ARHGEF9: variants seen among roughly 807,000 people sequenced by gnomAD.
ARHGEF9 encodes the protein Cdc42 guanine nucleotide exchange factor 9.
In ARHGEF9, 2 loss-of-function variants were observed where a neutral mutation model predicts 41.3. That is an observed-to-expected ratio of 0.05 (90% confidence interval 0.02 to 0.15). The LOEUF (loss-of-function observed/expected upper bound fraction) is 0.15, where lower values mean the gene tolerates loss of function less well. Among genes scored for constraint, ARHGEF9 ranks in the 10% least tolerant of loss-of-function variants. The pLI is 1.00. For synonymous variants in ARHGEF9, 160 were observed against 154.4 expected (o/e 1.04, Z -0.27); for missense variants, 225 against 424.7 (o/e 0.53, Z 4.13).
chrX:63,694,765 G>T (rs2051623981), intron 4 of ARHGEF9, among the ~76,000 whole-genome samples: 1 of 111,710 alleles, frequency 9.0e-6, no homozygotes, highest in African/African-American at 3.3e-5. Context: ...CCTATATTTT[G>T]ATTATTATGG....
chrX:63,648,474 C>T (rs782441375), intron 8 of ARHGEF9, among the ~76,000 whole-genome samples: 2 of 111,483 alleles, frequency 1.8e-5, no homozygotes, highest in African/African-American at 6.5e-5. Flanking sequence ...AAGGAACAAC[C>T]TGTACCAGCC....
At chrX:63,710,121 AT>A (rs1556405787) in intron 2 of ARHGEF9, among the ~76,000 whole-genome samples, 2 of 110,497 alleles carry the variant, frequency 1.8e-5, no homozygotes, top group Admixed American at 1.9e-4. Flanking sequence ...TAAAGGGAAT[AT>A]TATGACCAAT....
chrX:63,680,371 A>G (rs2050543512), intron 4 of ARHGEF9, among the ~76,000 whole-genome samples: 1 of 112,268 alleles, frequency 8.9e-6, no homozygotes, highest in African/African-American at 3.2e-5. Context: ...TCATTATGAA[A>G]CAGCAACTTG....
In ARHGEF9 at chrX:63,635,499, A is replaced by G; in HGVS notation, c.*2529T>C. On this transcript the variant is annotated 3_prime_UTR_variant, in exon 10 of 10. Coordinates refer to ENST00000671741, the MANE Select transcript of ARHGEF9 (RefSeq NM_001353921.2). ...ACAGGTTAGGATACTGAACCCAGGT[A>G]TTTAATTGGGCTCCCCTTGGGGCTG... 2.0e-6 allele frequency: 1 copy of G among 496,942 alleles called. No homozygotes were observed. 41.0% of individuals were successfully genotyped at this position (496,942 alleles called of 1,213,427 possible). A position where few individuals can be genotyped will look rare whatever the true frequency, so the allele number is the denominator to read the frequency against.
intron 1 of ARHGEF9, among the ~76,000 whole-genome samples, chrX:63,747,166 T>C (rs2055326309): frequency 8.9e-6 from 1 of 112,209 alleles, no homozygotes; most frequent in Non-Finnish European, 1.9e-5. Context: ...GAAGAAATCT[T>C]TGAAGTCATC....
At chrX:63,762,427 G>A (rs1426143669) in intron 1 of ARHGEF9, among the ~76,000 whole-genome samples, 6 of 111,628 alleles carry the variant, frequency 5.4e-5, no homozygotes, top group African/African-American at 2.0e-4. Context: ...GGGAGACTAA[G>A]GAATTCACTT....
In ARHGEF9 at chrX:63,748,808, T is replaced by C. The variant is rs782503854; in HGVS notation, c.31-24097A>G. ...ATGTTCAGTGAGGGTTGAGAATCAG[T>C]AGAAGGCTGCATTATTAGACATTTC... On this transcript the variant is annotated intron_variant, in intron 1 of 9. Coordinates refer to ENST00000671741, the MANE Select transcript of ARHGEF9 (RefSeq NM_001353921.2). Among the ~76,000 whole-genome samples the C allele has an allele frequency of 1.7e-3, 189 of 112,439 alleles. 2 individuals are homozygous for C. Among genetic ancestry groups the C allele is most frequent in the African/African-American group, 5.7e-3 (175 of 30,936 alleles).
chrX:63,757,778 G>A (rs1344552046), intron 1 of ARHGEF9, among the ~76,000 whole-genome samples: 3 of 112,112 alleles, frequency 2.7e-5, no homozygotes, highest in Non-Finnish European at 3.8e-5. Flanking sequence ...AAGCAGTTTT[G>A]CTCTTGTCAA....
chrX:63,753,950 T>A (rs2055815932), intron 1 of ARHGEF9, among the ~76,000 whole-genome samples: 1 of 112,024 alleles, frequency 8.9e-6, no homozygotes, highest in Non-Finnish European at 1.9e-5. Flanking sequence ...CTGCAAAGAC[T>A]GTCTTTCCTA....
At chrX:63,754,357 C>T (rs1556444606) in intron 1 of ARHGEF9, 4 of 1,209,679 alleles carry the variant, frequency 3.3e-6, no homozygotes, top group South Asian at 1.8e-5. Context: ...CGTTTTCCCC[C>T]CTGAGTAAGA....
At chrX:63,703,453 A>G (rs184334451) in intron 3 of ARHGEF9, among the ~76,000 whole-genome samples, 5 of 112,579 alleles carry the variant, frequency 4.4e-5, no homozygotes, top group African/African-American at 1.6e-4. Context: ...GATCTAGAAA[A>G]TAGGAATAAC....
intron 2 of ARHGEF9, chrX:63,715,844 T>G (rs1259436277): frequency 9.0e-6 from 1 of 111,672 alleles, no homozygotes; most frequent in Non-Finnish European, 1.9e-5. Flanking sequence ...GAGGAATGAG[T>G]GTGAATGGGT....
At chrX:63,674,244 C>T (rs1325770259) in intron 5 of ARHGEF9, 77 bp from the exon 6 acceptor site, 6 of 1,060,035 alleles carry the variant, frequency 5.7e-6, no homozygotes, top group Admixed American at 4.6e-5. Flanking sequence ...ATCTTAACAT[C>T]CACTCTCCTC....
At chrX:63,748,395 A>G (rs1265217041) in intron 1 of ARHGEF9, among the ~76,000 whole-genome samples, 2 of 112,591 alleles carry the variant, frequency 1.8e-5, no homozygotes, top group Admixed American at 1.9e-4. Flanking sequence ...TAGTCCAACC[A>G]AACAAATAGA....
chrX:63,677,656 C>CA (rs1270191777), intron 5 of ARHGEF9, among the ~76,000 whole-genome samples: 12 of 111,128 alleles, frequency 1.1e-4, no homozygotes, highest in Non-Finnish European at 3.8e-5. Context: ...CTCTGGAGCG[C>CA]AAGGGGTGAG....
chrX:63,755,991 G>T, intron 1 of ARHGEF9: 1 of 301,285 alleles, frequency 3.3e-6, no homozygotes, highest in Non-Finnish European at 4.4e-6. Flanking sequence ...TCTAATCATT[G>T]CCCTGCTCTG....
chrX:63,635,235 C>A lies in ARHGEF9; in HGVS notation c.*2793G>T. 1 of 317,868 alleles carries A rather than the reference C, an allele frequency of 3.1e-6. No individual in the cohort carries two copies. The highest frequency in any genetic ancestry group is 3.2e-5 in the South Asian group (1 of 31,719). The allele number at this position is 317,868 out of a possible 1,213,427, so 26.2% of individuals were successfully genotyped here. On this transcript the variant is annotated 3_prime_UTR_variant, in exon 10 of 10. Coordinates refer to ENST00000671741, the MANE Select transcript of ARHGEF9 (RefSeq NM_001353921.2). ...TGGCTTCACACTAGAATTGTTAGAA[C>A]TCTCTTGTTGCTGTTCTTATAGATC...
chrX:63,661,272 T>A (rs1447669879), intron 7 of ARHGEF9, among the ~76,000 whole-genome samples: 1 of 111,816 alleles, frequency 8.9e-6, no homozygotes, highest in Non-Finnish European at 1.9e-5. Flanking sequence ...ACAGAAGTCT[T>A]CTGCCCAACA....
At chrX:63,767,574 T>A (rs1270593571) in intron 1 of ARHGEF9, among the ~76,000 whole-genome samples, 1 of 111,991 alleles carries the variant, frequency 8.9e-6, no homozygotes, top group Non-Finnish European at 1.9e-5. Context: ...GAGACAAAGG[T>A]TAATAAAGTT....
Sources: allele counts gnomAD v4.1 joint callset (sites outside exome capture counted in the v4.1 genomes callset), GRCh38; gene constraint gnomAD v4.1.1; transcripts MANE v1.5; gene names NCBI Gene and HGNC (gene_info 2026-07-23, HGNC 2026-07-21).